Variants in PRELID2 observed in about 807,000 individuals in gnomAD.
PRELID2 encodes the protein PRELI domain containing 2.
A neutral mutation model predicts 28.4 loss-of-function variants in PRELID2; 25 were observed. The observed-to-expected ratio is 0.88, with a 90% CI of 0.64 to 1.23. The LOEUF is 1.23. Ranked by LOEUF, PRELID2 falls within the 50% of genes most tolerant of loss-of-function variation. The probability of loss-of-function intolerance (pLI) is 0.00; values close to 1 mark genes in which losing one functional copy is unlikely to be tolerated. For synonymous variants in PRELID2, 76 were observed against 71.6 expected (o/e 1.06, Z -0.31); for missense variants, 201 against 214.4 (o/e 0.94, Z 0.39).
chr5:145,418,748 C>T, the PRELID2 span, among the ~76,000 whole-genome samples: 1 of 151,498 alleles, frequency 6.6e-6, no homozygotes, highest in Non-Finnish European at 1.5e-5. Flanking sequence ...TTTTATTATA[C>T]TTTAAGTTTT....
intron 1 of PRELID2, chr5:145,826,166 A>G (rs1755179164): frequency 1.0e-6 from 1 of 985,332 alleles, no homozygotes; most frequent in African/African-American, 1.7e-5. Flanking sequence ...TGCCATGCGC[A>G]TGATCTCATT....
intron 1 of PRELID2, among the ~76,000 whole-genome samples, chr5:145,571,182 G>T (rs1354823164): frequency 6.6e-6 from 1 of 152,172 alleles, no homozygotes; most frequent in Admixed American, 6.5e-5. Flanking sequence ...ACCTATATCT[G>T]TATGGTGCTG....
At chr5:145,461,839 C>T in the PRELID2 span, among the ~76,000 whole-genome samples, 2 of 152,134 alleles carry the variant, frequency 1.3e-5, no homozygotes, top group South Asian at 2.1e-4. Context: ...ATTTATGTAT[C>T]CTCCCACATT....
chr5:145,595,106 C>A (rs932917373), intron 1 of PRELID2, among the ~76,000 whole-genome samples: 2 of 146,400 alleles, frequency 1.4e-5, no homozygotes, highest in African/African-American at 2.5e-5. Context: ...CCAGCCTGGG[C>A]GACAGAGCCA....
chr5:145,524,910 T>C (rs1282892492), intron 1 of PRELID2, among the ~76,000 whole-genome samples: 1 of 152,162 alleles, frequency 6.6e-6, no homozygotes, highest in Non-Finnish European at 1.5e-5. Flanking sequence ...ATAGTGCACA[T>C]CGGACCCCTA....
chr5:145,236,749 T>G, the PRELID2 span, among the ~76,000 whole-genome samples: 1 of 152,128 alleles, frequency 6.6e-6, no homozygotes, highest in Non-Finnish European at 1.5e-5. Context: ...CACAGGAATG[T>G]AACTATTCAC....
intron 1 of PRELID2, among the ~76,000 whole-genome samples, chr5:145,825,301 C>T (rs1318805555): frequency 6.8e-6 from 1 of 147,756 alleles, no homozygotes; most frequent in East Asian, 2.0e-4. Flanking sequence ...TTCAGCCCTT[C>T]CGAGTTACAT....
At chr5:145,831,783 TCC>T in intron 1 of PRELID2, among the ~76,000 whole-genome samples, 1 of 152,320 alleles carries the variant, frequency 6.6e-6, no homozygotes, top group East Asian at 1.9e-4. Context: ...CAGTTCTGTT[TCC>T]CAGTTCTGCC....
At chr5:145,768,033 T>G (rs372692222) in intron 5 of PRELID2, among the ~76,000 whole-genome samples, 1 of 152,064 alleles carries the variant, frequency 6.6e-6, no homozygotes, top group African/African-American at 2.4e-5. Flanking sequence ...GAGACCATCC[T>G]GGCCAACATG....
At chr5:145,776,196 T>C (rs1352395901) in intron 5 of PRELID2, among the ~76,000 whole-genome samples, 1 of 152,244 alleles carries the variant, frequency 6.6e-6, no homozygotes, top group South Asian at 2.1e-4. Context: ...TTCTGAGACG[T>C]GTGATGAAAT....
chr5:145,497,279 T>G (rs1752317589), intron 1 of PRELID2, among the ~76,000 whole-genome samples: 1 of 152,184 alleles, frequency 6.6e-6, no homozygotes, highest in South Asian at 2.1e-4. Flanking sequence ...GGTCATGATC[T>G]TTTCAAAATA....
intron 1 of PRELID2, among the ~76,000 whole-genome samples, chr5:145,740,877 T>C (rs1443677308): frequency 2.3e-4 from 24 of 105,508 alleles, no homozygotes; most frequent in African/African-American, 9.2e-4. Context: ...TCGATAAATA[T>C]ATATGTACAT....
chr5:145,671,243 T>C (rs1754700473), intron 1 of PRELID2, among the ~76,000 whole-genome samples: 1 of 152,202 alleles, frequency 6.6e-6, no homozygotes, highest in Admixed American at 6.5e-5. Flanking sequence ...GCAATGGATA[T>C]AGTTCATATA....
the PRELID2 span, among the ~76,000 whole-genome samples, chr5:145,364,731 G>A: frequency 3.4e-4 from 51 of 152,010 alleles, no homozygotes; most frequent in Admixed American, 1.1e-3. Context: ...GGTATATGCA[G>A]ACAACACTTG....
At position 145,474,729 on chromosome 5, in the gene PRELID2, C is replaced by A. The variant is rs940477821; in HGVS notation, n.71-1414G>T. Reference sequence around the variant, plus strand: ...GGGGGTCAGTGTGAATGTTACACTTCTTTCTAAAGAAGTAAGTTGGGATGT... The same window carrying A: ...GGGGGTCAGTGTGAATGTTACACTTATTTCTAAAGAAGTAAGTTGGGATGT... On this transcript the variant is annotated intron_variant and non_coding_transcript_variant, in intron 1 of 2. Transcript: ENST00000510259. Among the ~76,000 whole-genome samples, 51 of 152,164 alleles carry A rather than the reference C, an allele frequency of 3.4e-4. 1 individual carries two copies.
intron 1 of PRELID2, among the ~76,000 whole-genome samples, chr5:145,489,610 A>G (rs747283797): frequency 1.3e-5 from 2 of 152,192 alleles, no homozygotes; most frequent in African/African-American, 2.4e-5. Flanking sequence ...CCTTTCTCTT[A>G]GAACTGAGCC....
chr5:145,229,114 A>G, the PRELID2 span: 1 of 1,406,046 alleles, frequency 7.1e-7, no homozygotes, highest in South Asian at 1.2e-5. Context: ...ATCGCCCACA[A>G]AAAAGTGGAA....
the PRELID2 span, among the ~76,000 whole-genome samples, chr5:145,400,563 C>T: frequency 1.3e-5 from 2 of 152,090 alleles, no homozygotes; most frequent in Non-Finnish European, 2.9e-5. Context: ...TGTCGAATGA[C>T]TAATTCCGAG....
At chr5:145,251,004 T>C in the PRELID2 span, among the ~76,000 whole-genome samples, 1 of 152,126 alleles carries the variant, frequency 6.6e-6, no homozygotes, top group Admixed American at 6.6e-5. Flanking sequence ...TTTTAAAACA[T>C]ACTTGTTTTT....
Sources: gnomAD v4.1 joint callset for allele counts (sites outside exome capture counted in the v4.1 genomes callset) on GRCh38, gnomAD v4.1.1 for gene constraint, MANE v1.5 for transcripts, NCBI Gene and HGNC (gene_info 2026-07-23, HGNC 2026-07-21) for gene names.